ZEB1: variants seen among roughly 807,000 people sequenced by gnomAD.
ZEB1 encodes the protein zinc finger E-box-binding homeobox 1.
Under a neutral mutation model 84.9 loss-of-function variants are expected in ZEB1, and 21 were observed. The observed-to-expected ratio is 0.25, with a 90% CI of 0.18 to 0.36. The LOEUF (loss-of-function observed/expected upper bound fraction) is 0.36, where lower values mean the gene tolerates loss of function less well. Ranked by LOEUF, ZEB1 falls within the 10% of genes least tolerant of loss-of-function variation. The probability of loss-of-function intolerance (pLI) is 1.00; values close to 1 mark genes in which losing one functional copy is unlikely to be tolerated. For synonymous variants in ZEB1, 420 were observed against 471.1 expected (o/e 0.89, Z 1.41); for missense variants, 1,104 against 1,330.2 (o/e 0.83, Z 2.65).
intron 1 of ZEB1, among the ~76,000 whole-genome samples, chr10:31,339,982 C>T (rs1374966636): frequency 1.3e-5 from 2 of 152,038 alleles, no homozygotes; most frequent in Admixed American, 6.6e-5. Context: ...CATATCAACA[C>T]AGCACAGGAG....
At chr10:31,383,965 CTTTTTTTTTTTTTTT>C (rs66865546) in intron 1 of ZEB1, among the ~76,000 whole-genome samples, 5 of 56,376 alleles carry the variant, frequency 8.9e-5, no homozygotes, top group Non-Finnish European at 6.5e-5. Context: ...TAGATTAGTG[CTTTTTTTTTTTTTTT>C]TTTTTTTTTT....
intron 3 of ZEB1, among the ~76,000 whole-genome samples, chr10:31,502,036 G>A (rs939078910): frequency 6.6e-6 from 1 of 152,114 alleles, no homozygotes; most frequent in Non-Finnish European, 1.5e-5. Flanking sequence ...CATTAATTGA[G>A]AAAGAATTCA....
intron 3 of ZEB1, among the ~76,000 whole-genome samples, chr10:31,501,974 T>C (rs2068214069): frequency 1.3e-5 from 2 of 152,222 alleles, no homozygotes; most frequent in Admixed American, 1.3e-4. Context: ...TATGATATGA[T>C]AGGTTGCTAA....
At chr10:31,364,234 G>C (rs1045920807) in intron 1 of ZEB1, among the ~76,000 whole-genome samples, 1 of 152,170 alleles carries the variant, frequency 6.6e-6, no homozygotes, top group African/African-American at 2.4e-5. Context: ...CCTACAAGAG[G>C]AGTCAAAGGG....
At chr10:31,432,497 G>A (rs1489336465) in intron 1 of ZEB1, among the ~76,000 whole-genome samples, 1 of 152,144 alleles carries the variant, frequency 6.6e-6, no homozygotes, top group Non-Finnish European at 1.5e-5. Context: ...GCTGAGGAAG[G>A]AGGATGTCTT....
intron 2 of ZEB1, among the ~76,000 whole-genome samples, chr10:31,486,079 TTAA>T (rs58764216): frequency 0.078 from 11,815 of 151,898 alleles, 645 homozygotes; most frequent in African/African-American, 0.16. Flanking sequence ...ATCCTTTTTA[TTAA>T]TGAGTAGTAT....
intron 1 of ZEB1, among the ~76,000 whole-genome samples, chr10:31,334,442 G>A (rs2037557109): frequency 6.6e-6 from 1 of 151,966 alleles, no homozygotes; most frequent in Non-Finnish European, 1.5e-5. Context: ...TATTGTACAC[G>A]ACAACTTATG....
intron 1 of ZEB1, among the ~76,000 whole-genome samples, chr10:31,376,542 T>C (rs887915647): frequency 6.6e-6 from 1 of 151,728 alleles, no homozygotes; most frequent in African/African-American, 2.4e-5. Context: ...GACAATTATA[T>C]GAAGCAGTTT....
chr10:31,439,495 A>G (rs1591273376), intron 1 of ZEB1, among the ~76,000 whole-genome samples: 1 of 152,312 alleles, frequency 6.6e-6, no homozygotes, highest in East Asian at 1.9e-4. Flanking sequence ...TCATTTATCT[A>G]GGGATTAGTA....
intron 5 of ZEB1, among the ~76,000 whole-genome samples, chr10:31,512,993 A>G (rs933280511): frequency 1.8e-4 from 28 of 152,202 alleles, no homozygotes; most frequent in African/African-American, 6.8e-4. Context: ...GTTGGGGGCT[A>G]CATATTATAG....
intron 1 of ZEB1, among the ~76,000 whole-genome samples, chr10:31,344,138 T>A (rs970088290): frequency 1.3e-5 from 2 of 152,026 alleles, no homozygotes; most frequent in Admixed American, 1.3e-4. Context: ...GTATTTTTGG[T>A]TACCATTTGA....
chr10:31,485,168 T>A (rs563801475), intron 2 of ZEB1, among the ~76,000 whole-genome samples: 1 of 151,962 alleles, frequency 6.6e-6, no homozygotes, highest in Admixed American at 6.6e-5. Context: ...TCAGACAAGA[T>A]GATCTTCAAA....
intron 7 of ZEB1, 55 bp from the exon 8 acceptor site, chr10:31,523,878 C>G: frequency 6.3e-7 from 1 of 1,579,142 alleles, no homozygotes; most frequent in Admixed American, 1.7e-5. Flanking sequence ...TTATGTATAT[C>G]TCTTGTTTAT....
At chr10:31,493,855 A>G (rs1301590229) in intron 2 of ZEB1, among the ~76,000 whole-genome samples, 1 of 152,064 alleles carries the variant, frequency 6.6e-6, no homozygotes, top group African/African-American at 2.4e-5. Context: ...CTGGGAGTAG[A>G]TTCTGAAGTA....
Position 31,502,517 on chromosome 10 carries a change from G to C in ZEB1, c.484+8G>C, listed in dbSNP as rs777725609. 3.0e-5 allele frequency: 49 copies of C among 1,613,552 alleles called. No homozygotes were observed. Among genetic ancestry groups the C allele is most frequent in the Non-Finnish European group, 4.0e-5 (47 of 1,179,660 alleles). On this transcript the variant is annotated splice_region_variant and intron_variant, in intron 4 of 8. Coordinates refer to ENST00000424869, the MANE Select transcript of ZEB1 (RefSeq NM_001174096.2). The stretch of plus-strand genomic sequence containing the variant: ...GTGGTCATGATGAAAATGGTAAATG[G>C]ATCTTAACAGTTGTGTTTCTTTCCC...
intron 4 of ZEB1, among the ~76,000 whole-genome samples, chr10:31,504,260 G>T (rs2068573804): frequency 6.6e-6 from 1 of 151,754 alleles, no homozygotes; most frequent in Non-Finnish European, 1.5e-5. Flanking sequence ...GAAATCAAAT[G>T]GCTGTTAATA....
At chr10:31,434,723 A>G (rs1449648544) in intron 1 of ZEB1, among the ~76,000 whole-genome samples, 2 of 152,232 alleles carry the variant, frequency 1.3e-5, no homozygotes, top group Admixed American at 6.5e-5. Flanking sequence ...TAATGTAAAC[A>G]TGAAGGGATA....
At chr10:31,475,550 T>C (rs545101777) in intron 2 of ZEB1, among the ~76,000 whole-genome samples, 66 of 152,242 alleles carry the variant, frequency 4.3e-4, no homozygotes, top group African/African-American at 1.6e-3. Flanking sequence ...TAGAGACAAG[T>C]GTCAAATCAC....
chr10:31,407,443 G>A lies in ZEB1; in HGVS notation c.59-53594G>A, dbSNP rs571926648. 4.1e-3 allele frequency among the ~76,000 whole-genome samples: 619 copies of A among 151,984 alleles called. 3 individuals carry two copies. Among genetic ancestry groups the A allele is most frequent in the Middle Eastern group, 6.8e-3 (2 of 294 alleles). Reference sequence around the variant, plus strand: ...CATGACCTCATCATTTTTTATGGCTGCATAGTATTCCATGGTGTATATGTG... The same window carrying A: ...CATGACCTCATCATTTTTTATGGCTACATAGTATTCCATGGTGTATATGTG... On this transcript the variant is annotated intron_variant, in intron 1 of 8. Coordinates refer to ENST00000424869, the MANE Select transcript of ZEB1 (RefSeq NM_001174096.2).
Sources: allele counts gnomAD v4.1 joint callset (sites outside exome capture counted in the v4.1 genomes callset), GRCh38; gene constraint gnomAD v4.1.1; transcripts MANE v1.5; gene names NCBI Gene and HGNC (gene_info 2026-07-23, HGNC 2026-07-21).